Variants in NCOA3 observed in about 807,000 individuals in gnomAD.
The protein encoded by NCOA3 is nuclear receptor coactivator 3, also known as CBP-interacting protein.
NCOA3 carries 51 observed loss-of-function variants against 158.8 expected under a neutral mutation model. The observed-to-expected ratio is 0.32, with a 90% CI of 0.26 to 0.41. The LOEUF (loss-of-function observed/expected upper bound fraction) is 0.41. Ranked by LOEUF, NCOA3 falls within the 10% of genes least tolerant of loss-of-function variation. NCOA3 has a pLI of 1.00. For synonymous variants in NCOA3, 537 were observed against 592.4 expected, an observed-to-expected ratio of 0.91 and a Z score of 1.36; for missense variants, 1,510 against 1,746.6, an observed-to-expected ratio of 0.86 and a Z score of 2.41.
chr20:47,653,181 ATAACT>A, intron 22 of NCOA3, 109 bp downstream of exon 22: 1 of 1,325,872 alleles, frequency 7.5e-7, no homozygotes, highest in Non-Finnish European at 1.0e-6. Flanking sequence ...ACTTGAATGT[ATAACT>A]TAAAATATAG....
intron 2 of NCOA3, among the ~76,000 whole-genome samples, chr20:47,596,050 C>G (rs1257405120): frequency 1.3e-5 from 2 of 152,130 alleles, no homozygotes; most frequent in Non-Finnish European, 2.9e-5. Flanking sequence ...ATGAAGTATA[C>G]TTTGAAGGCT....
At chr20:47,635,754 A>C in intron 11 of NCOA3, 41 bp downstream of exon 11, 7 of 1,554,262 alleles carry the variant, frequency 4.5e-6, no homozygotes, top group Non-Finnish European at 6.1e-6. Context: ...TTTCTTTTTA[A>C]GTAATTATTC....
chr20:47,538,705 C>T (rs1327599934), intron 1 of NCOA3, among the ~76,000 whole-genome samples: 1 of 152,236 alleles, frequency 6.6e-6, no homozygotes, highest in East Asian at 1.9e-4. Context: ...GCCACCATGC[C>T]AGTCTAATTT....
chr20:47,502,101 C>G (rs906955976), intron 1 of NCOA3, 82 bp downstream of exon 1: 59 of 398,634 alleles, frequency 1.5e-4, no homozygotes, highest in Non-Finnish European at 1.8e-4. Context: ...GTTCCCCAGG[C>G]TGCGAGAGCC....
chr20:47,623,807 A>AG, intron 3 of NCOA3, 104 bp from the exon 4 acceptor site: 1 of 1,044,592 alleles, frequency 9.6e-7, no homozygotes, highest in Non-Finnish European at 1.3e-6. Context: ...AAAAAAAAAA[A>AG]GTAATCATGT....
At chr20:47,502,261 G>A (rs2146032081) in intron 1 of NCOA3, among the ~76,000 whole-genome samples, 1 of 152,324 alleles carries the variant, frequency 6.6e-6, no homozygotes, top group South Asian at 2.1e-4. Context: ...GTGGCAGTCC[G>A]CTTGGGGATC....
intron 8 of NCOA3, among the ~76,000 whole-genome samples, chr20:47,632,533 A>AAAC (rs1425980109): frequency 2.0e-5 from 3 of 151,392 alleles, no homozygotes; most frequent in Non-Finnish European, 4.4e-5. Context: ...GATTACAGGT[A>AAAC]CGCACCACCA....
intron 1 of NCOA3, among the ~76,000 whole-genome samples, chr20:47,537,776 TCA>T (rs2084658930): frequency 6.6e-6 from 1 of 152,090 alleles, no homozygotes; most frequent in African/African-American, 2.4e-5. Context: ...AGATTGGGTT[TCA>T]CTGTGTTAGC....
intron 2 of NCOA3, among the ~76,000 whole-genome samples, chr20:47,583,663 A>T (rs2085488299): frequency 6.6e-6 from 1 of 152,240 alleles, no homozygotes; most frequent in African/African-American, 2.4e-5. Context: ...AAATGTTATT[A>T]AGAAAATTAT....
chr20:47,622,621 G>A (rs948939068), intron 3 of NCOA3, among the ~76,000 whole-genome samples: 5 of 152,174 alleles, frequency 3.3e-5, no homozygotes, highest in Non-Finnish European at 4.4e-5. Context: ...TGTCACGTGC[G>A]TCCGTGTGAA....
chr20:47,505,616 G>GT (rs1237213571), intron 1 of NCOA3, among the ~76,000 whole-genome samples: 1 of 151,948 alleles, frequency 6.6e-6, no homozygotes, highest in Non-Finnish European at 1.5e-5. Context: ...ATAAATATTT[G>GT]TTTTTTGCAT....
intron 5 of NCOA3, 109 bp from the exon 6 acceptor site, chr20:47,626,893 C>A: frequency 1.0e-6 from 1 of 994,842 alleles, no homozygotes; most frequent in Non-Finnish European, 1.5e-6. Context: ...CCTTGAAGGT[C>A]TTGTTTCCAA....
chr20:47,562,368 A>T (rs138878516), intron 1 of NCOA3, among the ~76,000 whole-genome samples: 131 of 152,316 alleles, frequency 8.6e-4, no homozygotes, highest in African/African-American at 3.0e-3. Flanking sequence ...AATGAATGAG[A>T]ATTCCTGTTG....
At chr20:47,526,495 C>T (rs942167404) in intron 1 of NCOA3, among the ~76,000 whole-genome samples, 2 of 152,218 alleles carry the variant, frequency 1.3e-5, no homozygotes, top group African/African-American at 4.8e-5. Context: ...GAACGAGACT[C>T]CGTCTGCAAT....
At chr20:47,570,918 G>A (rs187792539) in intron 1 of NCOA3, among the ~76,000 whole-genome samples, 9 of 143,774 alleles carry the variant, frequency 6.3e-5, no homozygotes, top group South Asian at 2.2e-4. Context: ...CACGTGCACC[G>A]TTAATGAGCA....
At chr20:47,557,323 A>G (rs970385956) in intron 1 of NCOA3, among the ~76,000 whole-genome samples, 3 of 152,172 alleles carry the variant, frequency 2.0e-5, no homozygotes, top group African/African-American at 7.2e-5. Flanking sequence ...AGTGCCCACC[A>G]TGTGTTAGGA....
chr20:47,627,003 C>A lies in NCOA3; in HGVS notation c.359C>A (p.Ala120Glu). The change falls in exon 6 of 23, where the codon GCA (alanine) becomes GAA (glutamate). Residue 120 changes from alanine to glutamate, a missense_variant and splice_region_variant. By Grantham distance (107) the Ala-to-Glu change is moderately radical. Coordinates refer to ENST00000371998, the MANE Select transcript of NCOA3 (RefSeq NM_181659.3). ...CTGTATTAACATATCCTATTTTAGG[C>A]ATTGGATGGTTTCCTATTTGTGGTG... ...KDSLGPLLLQ[A>E]LDGFLFVVNR... 1 of 1,610,284 alleles carries A rather than the reference C, an allele frequency of 6.2e-7. No individual in the cohort carries two copies. Among genetic ancestry groups the A allele is most frequent in the Non-Finnish European group, 8.5e-7 (1 of 1,177,968 alleles).
chr20:47,523,811 AAGCAAAATATTAC>A (rs1271886102), intron 1 of NCOA3, among the ~76,000 whole-genome samples: 1 of 152,262 alleles, frequency 6.6e-6, no homozygotes. Flanking sequence ...GATAATAATT[AAGCAAAATATTAC>A]AGCAGTGGAA....
intron 2 of NCOA3, among the ~76,000 whole-genome samples, chr20:47,620,753 A>C (rs2146295034): frequency 6.6e-6 from 1 of 152,358 alleles, no homozygotes; most frequent in South Asian, 2.1e-4. Context: ...TAATATTGAC[A>C]ACATACTTTT....
Sources: allele counts gnomAD v4.1 joint callset (sites outside exome capture counted in the v4.1 genomes callset), GRCh38; gene constraint gnomAD v4.1.1; transcripts MANE v1.5; gene names NCBI Gene and HGNC (gene_info 2026-07-23, HGNC 2026-07-21).